The following TBC1D9 variants were observed in gnomAD, a reference collection of about 807,000 sequenced individuals.
The protein encoded by TBC1D9 is TBC1 domain family member 9A.
Under a neutral mutation model 132.0 loss-of-function variants are expected in TBC1D9, and 63 were observed. The ratio of observed to expected loss-of-function variants is 0.48; its 90% CI spans 0.39 to 0.59. The LOEUF (loss-of-function observed/expected upper bound fraction) is 0.59, where lower values mean the gene tolerates loss of function less well. TBC1D9 is among the 20% of genes least tolerant of loss of function. TBC1D9 has a pLI of 0.00. For synonymous variants in TBC1D9, 610 were observed against 609.9 expected, an observed-to-expected ratio of 1.00 and a Z score of 0.00; for missense variants, 1,261 against 1,592.7, an observed-to-expected ratio of 0.79 and a Z score of 3.54.
intron 13 of TBC1D9, among the ~76,000 whole-genome samples, chr4:140,652,019 A>G (rs1737194249): frequency 6.6e-6 from 1 of 152,134 alleles, no homozygotes; most frequent in African/African-American, 2.4e-5. Flanking sequence ...TGGATGGATC[A>G]CTTAAGGCCA....
chr4:140,625,839 G>A (rs1736699188), intron 18 of TBC1D9, among the ~76,000 whole-genome samples: 1 of 152,112 alleles, frequency 6.6e-6, no homozygotes, highest in South Asian at 2.1e-4. Context: ...GTGTGTATGT[G>A]TACAATTTGA....
intron 1 of TBC1D9, among the ~76,000 whole-genome samples, chr4:140,720,401 G>A (rs1738405791): frequency 6.6e-6 from 1 of 152,248 alleles, no homozygotes; most frequent in South Asian, 2.1e-4. Context: ...AACTTCTTAT[G>A]AGGAAGAGGA....
At position 140,639,156 on chromosome 4, in the gene TBC1D9, T is replaced by A; in HGVS notation, c.2437-2A>T. On this transcript the variant is annotated splice_acceptor_variant, in intron 14 of 20. Transcript: ENST00000442267. LOFTEE classifies it high-confidence loss of function. The stretch of plus-strand genomic sequence containing the variant: ...AGTTTCTGTCACAATGGTTCGTACC[T>A]ATAAAAATATTAAGCAAAATGAATT... The A allele has an allele frequency of 6.4e-7, 1 of 1,570,490 alleles. No homozygotes were observed. The highest frequency in any genetic ancestry group is 8.7e-7 in the Non-Finnish European group (1 of 1,155,690).
chr4:140,734,617 C>A (rs1275606281), intron 1 of TBC1D9, among the ~76,000 whole-genome samples: 1 of 151,984 alleles, frequency 6.6e-6, no homozygotes, highest in Non-Finnish European at 1.5e-5. Context: ...CATAGTGAGA[C>A]CCCCATCTCT....
chr4:140,737,120 A>G (rs906086423), intron 1 of TBC1D9, among the ~76,000 whole-genome samples: 5 of 152,088 alleles, frequency 3.3e-5, no homozygotes, highest in African/African-American at 7.3e-5. Flanking sequence ...CGCAGTGCAC[A>G]GTAGGGTTGG....
In TBC1D9 at chr4:140,679,805, C is replaced by T. The variant is rs1737677596; in HGVS notation, c.399G>A (p.Lys133=). ...TAAACTTCTCCGTGTCATCATCTTCCTTTACATCATTGATTTTGTTGTATT... is the reference window on the plus strand; with the variant it reads ...TAAACTTCTCCGTGTCATCATCTTCTTTTACATCATTGATTTTGTTGTATT... ...IAEYNKINDV[K]EDDDTEKFKE... is the part of the protein sequence containing the mutation. Residue 133 remains lysine (K), a synonymous_variant, in exon 4 of 21, where the codon AAG becomes AAA. Transcript: ENST00000442267. The T allele has an allele frequency of 1.2e-6, 2 of 1,613,562 alleles. No individual in the cohort carries two copies. The highest frequency in any genetic ancestry group is 1.7e-6 in the Non-Finnish European group (2 of 1,179,760).
intron 15 of TBC1D9, among the ~76,000 whole-genome samples, chr4:140,634,806 T>C (rs1306672647): frequency 6.6e-6 from 1 of 152,176 alleles, no homozygotes; most frequent in East Asian, 1.9e-4. Flanking sequence ...AAGTGTGTGG[T>C]CATCCAATTT....
chr4:140,699,185 G>C (rs1326560414), intron 2 of TBC1D9, among the ~76,000 whole-genome samples: 1 of 152,054 alleles, frequency 6.6e-6, no homozygotes, highest in Non-Finnish European at 1.5e-5. Flanking sequence ...AAATAAATAG[G>C]CATGAGTCTA....
At chr4:140,665,243 T>C (rs534764700) in intron 9 of TBC1D9, among the ~76,000 whole-genome samples, 118 of 152,160 alleles carry the variant, frequency 7.8e-4, no homozygotes, top group African/African-American at 2.6e-3. Flanking sequence ...AATAGACAAA[T>C]TGTATTTCAT....
At chr4:140,702,069 G>A (rs576834776) in intron 1 of TBC1D9, among the ~76,000 whole-genome samples, 1 of 152,290 alleles carries the variant, frequency 6.6e-6, no homozygotes, top group East Asian at 1.9e-4. Context: ...GGAAACAGAG[G>A]GATCTTCCCA....
chr4:140,738,361 C>T (rs1433158268), intron 1 of TBC1D9, among the ~76,000 whole-genome samples: 1 of 152,078 alleles, frequency 6.6e-6, no homozygotes, highest in Non-Finnish European at 1.5e-5. Flanking sequence ...TAATTGACCC[C>T]CCCTTTCTTT....
At chr4:140,626,481 T>C (rs1045419757) in intron 18 of TBC1D9, among the ~76,000 whole-genome samples, 4 of 152,162 alleles carry the variant, frequency 2.6e-5, no homozygotes, top group Non-Finnish European at 5.9e-5. Context: ...GTAAGGTCTC[T>C]TGGTGCAGGT....
At chr4:140,643,255 C>T in intron 13 of TBC1D9, 2 of 1,311,594 alleles carry the variant, frequency 1.5e-6, no homozygotes, top group African/African-American at 1.5e-5. Context: ...AGCTCCAGCT[C>T]TGCGATCTCG....
chr4:140,648,286 A>T (rs1193521703), intron 13 of TBC1D9, among the ~76,000 whole-genome samples: 19 of 152,158 alleles, frequency 1.2e-4, no homozygotes, highest in Admixed American at 1.2e-3. Flanking sequence ...GTTTTGATGT[A>T]ATCCAACTCA....
intron 13 of TBC1D9, among the ~76,000 whole-genome samples, chr4:140,646,315 T>A (rs1277625934): frequency 6.6e-6 from 1 of 152,160 alleles, no homozygotes; most frequent in Non-Finnish European, 1.5e-5. Context: ...CTTAGCTCCA[T>A]CCCGGGGAAA....
chr4:140,691,993 A>G (rs550178100), intron 2 of TBC1D9, among the ~76,000 whole-genome samples: 2 of 152,338 alleles, frequency 1.3e-5, no homozygotes, highest in South Asian at 2.1e-4. Flanking sequence ...GATATTTGGC[A>G]GATATTTCTT....
At chr4:140,650,826 T>C (rs779392452) in intron 13 of TBC1D9, among the ~76,000 whole-genome samples, 49 of 152,276 alleles carry the variant, frequency 3.2e-4, no homozygotes, top group Non-Finnish European at 5.6e-4. Flanking sequence ...TGAGCCACCA[T>C]GCCTGGCCTC....
intron 1 of TBC1D9, among the ~76,000 whole-genome samples, chr4:140,743,844 AG>A (rs1457126497): frequency 6.6e-6 from 1 of 152,242 alleles, no homozygotes; most frequent in Admixed American, 6.5e-5. Flanking sequence ...AAGGCAAAGC[AG>A]AAAGGATATG....
At chr4:140,740,739 G>A (rs181435113) in intron 1 of TBC1D9, among the ~76,000 whole-genome samples, 1 of 152,174 alleles carries the variant, frequency 6.6e-6, no homozygotes, top group East Asian at 1.9e-4. Context: ...CCCTAAAGCT[G>A]GCTTAATAAA....
Sources: allele counts gnomAD v4.1 joint callset (sites outside exome capture counted in the v4.1 genomes callset), GRCh38; gene constraint gnomAD v4.1.1; transcripts MANE v1.5; gene names NCBI Gene and HGNC (gene_info 2026-07-23, HGNC 2026-07-21).